The following BICC1 variants were observed in gnomAD, a reference collection of about 807,000 sequenced individuals.
BICC1 encodes the protein protein bicaudal C homolog 1.
Under a neutral mutation model 111.0 loss-of-function variants are expected in BICC1, and 43 were observed. The ratio of observed to expected loss-of-function variants is 0.39; its 90% confidence interval spans 0.30 to 0.50. The LOEUF (loss-of-function observed/expected upper bound fraction) is 0.50. Ranked by LOEUF, BICC1 falls within the 20% of genes least tolerant of loss-of-function variation. The probability of loss-of-function intolerance (pLI) is 0.88; values close to 1 mark genes in which losing one functional copy is unlikely to be tolerated. For missense variants in BICC1, 1,091 were observed against 1,203.2 expected (o/e 0.91, Z 1.38); for synonymous variants, 467 against 434.4 (o/e 1.07, Z -0.93).
intron 1 of BICC1, 75 bp downstream of exon 1, chr10:58,513,408 C>G: frequency 7.4e-7 from 1 of 1,360,132 alleles, no homozygotes; most frequent in Non-Finnish European, 9.7e-7. Context: ...CCGCGCGCTC[C>G]GGCGCCCGCT....
chr10:58,545,219 C>T (rs532039371), intron 1 of BICC1, among the ~76,000 whole-genome samples: 10 of 152,154 alleles, frequency 6.6e-5, no homozygotes, highest in East Asian at 3.9e-4. Flanking sequence ...ATAGGATACA[C>T]GATTAGTCTT....
At chr10:58,579,757 G>T (rs1844215607) in intron 1 of BICC1, among the ~76,000 whole-genome samples, 1 of 152,216 alleles carries the variant, frequency 6.6e-6, no homozygotes, top group Non-Finnish European at 1.5e-5. Context: ...TGCTCTCAGA[G>T]AGGATGCAGG....
intron 1 of BICC1, among the ~76,000 whole-genome samples, chr10:58,619,403 A>T (rs1024066029): frequency 2.0e-5 from 3 of 152,100 alleles, no homozygotes; most frequent in Non-Finnish European, 4.4e-5. Flanking sequence ...TAACTGTAAA[A>T]TTTAAGTTGG....
chr10:58,606,502 T>C (rs1345643374), intron 1 of BICC1, among the ~76,000 whole-genome samples: 2 of 152,180 alleles, frequency 1.3e-5, no homozygotes, highest in East Asian at 1.9e-4. Context: ...GCATGGCACA[T>C]GTATACATGT....
intron 1 of BICC1, among the ~76,000 whole-genome samples, chr10:58,525,275 G>A (rs1438108173): frequency 8.2e-6 from 1 of 121,598 alleles, no homozygotes; most frequent in Non-Finnish European, 1.9e-5. Flanking sequence ...TATGTTTATT[G>A]TGGCACTATT....
chr10:58,715,829 A>C, intron 3 of BICC1: 2 of 1,287,758 alleles, frequency 1.6e-6, no homozygotes, highest in South Asian at 2.6e-5. Flanking sequence ...AAAAAAAGAC[A>C]GAGAAAGAAA....
intron 8 of BICC1, among the ~76,000 whole-genome samples, chr10:58,791,878 G>T (rs572864487): frequency 6.6e-6 from 1 of 152,206 alleles, no homozygotes; most frequent in East Asian, 1.9e-4. Flanking sequence ...TGCAATCTCT[G>T]CCTCCTGGGT....
intron 18 of BICC1, 80 bp from the exon 19 acceptor site, chr10:58,817,482 T>A: frequency 6.8e-7 from 1 of 1,468,194 alleles, no homozygotes; most frequent in Non-Finnish European, 9.5e-7. Flanking sequence ...GTTGAAATAT[T>A]TAGGTGATTA....
intron 15 of BICC1, 46 bp from the exon 16 acceptor site, chr10:58,806,538 C>T: frequency 6.4e-7 from 1 of 1,561,610 alleles, no homozygotes; most frequent in Non-Finnish European, 8.8e-7. Flanking sequence ...GTTGGCATGA[C>T]ATTTGGAGAG....
chr10:58,600,068 G>A (rs941868501), intron 1 of BICC1, among the ~76,000 whole-genome samples: 7 of 152,016 alleles, frequency 4.6e-5, no homozygotes, highest in Admixed American at 2.6e-4. Flanking sequence ...TCACGTTCTC[G>A]TTTCCTAATT....
intron 1 of BICC1, among the ~76,000 whole-genome samples, chr10:58,526,187 A>G (rs988096566): frequency 1.4e-4 from 21 of 151,818 alleles, no homozygotes; most frequent in Non-Finnish European, 2.9e-5. Context: ...GCCCATTGGG[A>G]TCTGTACTTT....
At chr10:58,743,906 A>G (rs886426245) in intron 3 of BICC1, among the ~76,000 whole-genome samples, 9 of 152,000 alleles carry the variant, frequency 5.9e-5, no homozygotes, top group Non-Finnish European at 1.2e-4. Context: ...TGGAAATTCT[A>G]GTTTTCAAAT....
chr10:58,765,629 A>G lies in BICC1; in HGVS notation c.308-19372A>G, dbSNP rs550639673. 2.7e-4 allele frequency among the ~76,000 whole-genome samples: 41 copies of G among 152,336 alleles called. 3 individuals carry two copies. In the South Asian group the frequency reaches 8.5e-3, roughly 32 times the overall value. On this transcript the variant is annotated intron_variant, in intron 3 of 20. Transcript: ENST00000373886. ...CGGGAGAATCCCATTAATATCTAAG[A>G]TTTCAAAACTTAGCAACAATTTTGG...
intron 1 of BICC1, among the ~76,000 whole-genome samples, chr10:58,524,461 A>G (rs570666381): frequency 2.8e-3 from 432 of 152,280 alleles, no homozygotes; most frequent in Non-Finnish European, 4.2e-3. Flanking sequence ...AGGATTCCCT[A>G]TTTAATAAAT....
intron 3 of BICC1, among the ~76,000 whole-genome samples, chr10:58,736,986 A>G (rs1841488084): frequency 1.3e-5 from 2 of 152,158 alleles, no homozygotes; most frequent in South Asian, 2.1e-4. Flanking sequence ...TCACAAAAGT[A>G]TGCTTTATTA....
At chr10:58,536,587 C>G (rs1375557026) in intron 1 of BICC1, among the ~76,000 whole-genome samples, 1 of 151,710 alleles carries the variant, frequency 6.6e-6, no homozygotes, top group Admixed American at 6.6e-5. Context: ...GCGTTTATAG[C>G]ACTAAATACC....
intron 2 of BICC1, among the ~76,000 whole-genome samples, chr10:58,660,739 G>A (rs1838817039): frequency 6.6e-6 from 1 of 152,020 alleles, no homozygotes; most frequent in Non-Finnish European, 1.5e-5. Flanking sequence ...TGATGCCTCT[G>A]CCTGGCAACT....
intron 2 of BICC1, among the ~76,000 whole-genome samples, chr10:58,647,634 C>T (rs1472945388): frequency 6.6e-6 from 1 of 152,146 alleles, no homozygotes; most frequent in Admixed American, 6.5e-5. Flanking sequence ...CACTTGTCAG[C>T]ACATTGAAAT....
chr10:58,547,049 A>T lies in BICC1; in HGVS notation c.190+33716A>T, dbSNP rs761678905. Among the ~76,000 whole-genome samples, 2 of 152,322 alleles carry T rather than the reference A, an allele frequency of 1.3e-5. 1 individual carries two copies. Among genetic ancestry groups the T allele is most frequent in the Non-Finnish European group, 2.9e-5 (2 of 68,020 alleles). ...TTAGAGCAGCTTTAGAGATAAAGTT[A>T]TGAATATAGTACAGCGAGTCCCCCT... On this transcript the variant is annotated intron_variant, in intron 1 of 20. Coordinates refer to ENST00000373886, the MANE Select transcript of BICC1 (RefSeq NM_001080512.3).
Sources: gnomAD v4.1 joint callset for allele counts (sites outside exome capture counted in the v4.1 genomes callset) on GRCh38, gnomAD v4.1.1 for gene constraint, MANE v1.5 for transcripts, NCBI Gene and HGNC (gene_info 2026-07-23, HGNC 2026-07-21) for gene names.